The following GRM7 variants were observed in gnomAD, a reference collection of about 807,000 sequenced individuals.
The protein encoded by GRM7 is glutamate metabotropic receptor 7, also known as metabotropic glutamate receptor 7.
Under a neutral mutation model 84.5 loss-of-function variants are expected in GRM7, and 35 were observed. That is an observed-to-expected ratio of 0.41 (90% CI 0.32 to 0.55). GRM7 has a LOEUF of 0.55. GRM7 is among the 20% of genes least tolerant of loss of function. GRM7 has a pLI of 0.19. For synonymous variants in GRM7, 487 were observed against 455.1 expected, an observed-to-expected ratio of 1.07 and a Z score of -0.89; for missense variants, 1,003 against 1,194.6, an observed-to-expected ratio of 0.84 and a Z score of 2.36.
chr3:7,630,922 G>A (rs1697834380), intron 8 of GRM7, among the ~76,000 whole-genome samples: 1 of 152,204 alleles, frequency 6.6e-6, no homozygotes, highest in Non-Finnish European at 1.5e-5. Flanking sequence ...AATACAGGAT[G>A]AATTTTTTCA....
At chr3:7,670,949 A>G (rs1032630116) in intron 8 of GRM7, among the ~76,000 whole-genome samples, 1 of 152,172 alleles carries the variant, frequency 6.6e-6, no homozygotes, top group Admixed American at 6.5e-5. Flanking sequence ...TATAGGGAAA[A>G]TGCTGTGCTT....
At chr3:7,099,944 A>T (rs545309623) in intron 1 of GRM7, among the ~76,000 whole-genome samples, 1 of 147,802 alleles carries the variant, frequency 6.8e-6, no homozygotes, top group East Asian at 2.0e-4. Flanking sequence ...TATGATATAC[A>T]TTATGTATAT....
intron 1 of GRM7, among the ~76,000 whole-genome samples, chr3:7,028,180 C>A (rs1001874317): frequency 6.6e-6 from 1 of 152,170 alleles, no homozygotes; most frequent in Non-Finnish European, 1.5e-5. Flanking sequence ...TGGACATTTA[C>A]AAAGTCAGCT....
intron 2 of GRM7, among the ~76,000 whole-genome samples, chr3:7,251,668 C>T (rs900152970): frequency 9.2e-5 from 14 of 152,130 alleles, no homozygotes; most frequent in Admixed American, 6.6e-4. Flanking sequence ...AGTGCAAAAA[C>T]ACCCAAAGCA....
chr3:7,695,451 C>T (rs1179717074), intron 9 of GRM7, among the ~76,000 whole-genome samples: 1 of 152,112 alleles, frequency 6.6e-6, no homozygotes, highest in African/African-American at 2.4e-5. Flanking sequence ...CCCTGAAGTC[C>T]TCAAAGAGAT....
chr3:7,462,574 G>A (rs569916693), intron 7 of GRM7, among the ~76,000 whole-genome samples: 1 of 152,306 alleles, frequency 6.6e-6, no homozygotes, highest in South Asian at 2.1e-4. Flanking sequence ...ACCTTAGGAG[G>A]CACTTTTGGA....
intron 2 of GRM7, among the ~76,000 whole-genome samples, chr3:7,183,507 G>A (rs1203745936): frequency 1.3e-5 from 2 of 151,990 alleles, no homozygotes; most frequent in African/African-American, 2.4e-5. Context: ...CATGCCTGTA[G>A]TCCCAGCTAC....
intron 2 of GRM7, among the ~76,000 whole-genome samples, chr3:7,196,331 G>T (rs888453406): frequency 2.6e-5 from 4 of 151,982 alleles, no homozygotes; most frequent in African/African-American, 4.8e-5. Flanking sequence ...TCATCTAAAG[G>T]CACCCTCATA....
intron 5 of GRM7, among the ~76,000 whole-genome samples, chr3:7,426,337 C>T (rs1163736483): frequency 2.0e-5 from 3 of 152,038 alleles, no homozygotes; most frequent in Non-Finnish European, 4.4e-5. Context: ...CAGGTTTCTA[C>T]AAGACTAAAA....
intron 7 of GRM7, among the ~76,000 whole-genome samples, chr3:7,518,255 G>T (rs547688706): frequency 6.5e-4 from 99 of 152,298 alleles, no homozygotes; most frequent in Non-Finnish European, 1.0e-3. Context: ...TTTCCAAGGC[G>T]TCAGGGAATT....
chr3:7,250,838 T>G (rs760279847), intron 2 of GRM7, among the ~76,000 whole-genome samples: 1 of 152,234 alleles, frequency 6.6e-6, no homozygotes, highest in Non-Finnish European at 1.5e-5. Flanking sequence ...TTATATATAT[T>G]TTTTAATGGC....
At chr3:7,334,996 A>G (rs949207976) in intron 4 of GRM7, among the ~76,000 whole-genome samples, 23 of 140,794 alleles carry the variant, frequency 1.6e-4, no homozygotes, top group African/African-American at 6.9e-4. Context: ...ACAGCACTAG[A>G]CAGGTCATCA....
intron 7 of GRM7, among the ~76,000 whole-genome samples, chr3:7,578,072 A>G (rs936295759): frequency 6.6e-6 from 1 of 152,192 alleles, no homozygotes; most frequent in Non-Finnish European, 1.5e-5. Context: ...GTTTTTCTCA[A>G]GTTATCTGCT....
chr3:7,437,791 T>A (rs1697121222), intron 5 of GRM7, among the ~76,000 whole-genome samples: 1 of 152,126 alleles, frequency 6.6e-6, no homozygotes, highest in Admixed American at 6.6e-5. Context: ...TATCTTTGCA[T>A]AGCCTAAGGC....
rs5846493 is a variant in GRM7, at chr3:7,182,896, GTTTT to G, written c.736+36244_736+36247del. Among the ~76,000 whole-genome samples, 55 of 110,742 alleles carry G rather than the reference GTTTT, an allele frequency of 5.0e-4. 1 individual carries two copies. Among genetic ancestry groups the G allele is most frequent in the Non-Finnish European group, 2.8e-4 (15 of 54,226 alleles). The allele number at this position is 110,742 out of a possible 152,430, so 72.7% of individuals were successfully genotyped here. On this transcript the variant is annotated intron_variant, in intron 2 of 9. Coordinates refer to ENST00000357716, the MANE Select transcript of GRM7 (RefSeq NM_000844.4). ...TAGGTTTTAGGCGTAACGTGAAAGT[GTTTT>G]TTTTTTTTTTTTTTTCAATGAAAAA...
intron 7 of GRM7, among the ~76,000 whole-genome samples, chr3:7,537,834 T>C (rs151066055): frequency 1.1e-4 from 16 of 152,326 alleles, no homozygotes; most frequent in African/African-American, 3.8e-4. Flanking sequence ...CGCTTTTGAC[T>C]AATAGGCCCA....
chr3:7,724,063 G>C (rs1412619749), intron 9 of GRM7, among the ~76,000 whole-genome samples: 1 of 152,116 alleles, frequency 6.6e-6, no homozygotes, highest in African/African-American at 2.4e-5. Flanking sequence ...GAATAGTGAA[G>C]ATGGAAAATA....
intron 9 of GRM7, among the ~76,000 whole-genome samples, chr3:7,709,572 C>G (rs1200351686): frequency 6.6e-6 from 1 of 151,984 alleles, no homozygotes; most frequent in Admixed American, 6.6e-5. Context: ...TCAGTGGGCT[C>G]CTCCTCTCTG....
intron 7 of GRM7, among the ~76,000 whole-genome samples, chr3:7,573,007 T>A (rs1214330773): frequency 6.6e-6 from 1 of 150,470 alleles, no homozygotes; most frequent in Non-Finnish European, 1.5e-5. Flanking sequence ...GTCCCTAAAT[T>A]CTGTTCGCTG....
Sources: gnomAD v4.1 joint callset for allele counts (sites outside exome capture counted in the v4.1 genomes callset) on GRCh38, gnomAD v4.1.1 for gene constraint, MANE v1.5 for transcripts, NCBI Gene and HGNC (gene_info 2026-07-23, HGNC 2026-07-21) for gene names.